Variants in BTN3A3 observed in about 807,000 individuals in gnomAD.
BTN3A3 encodes the protein butyrophilin 3.
BTN3A3 carries 39 observed loss-of-function variants against 43.2 expected under a neutral mutation model. That is an observed-to-expected ratio of 0.90 (90% CI 0.70 to 1.18). The LOEUF is 1.18. Ranked by LOEUF, BTN3A3 falls within the 50% of genes most tolerant of loss-of-function variation. The probability of loss-of-function intolerance (pLI) is 0.00; values close to 1 mark genes in which losing one functional copy is unlikely to be tolerated. For synonymous variants in BTN3A3, 255 were observed against 272.7 expected (o/e 0.93, Z 0.64); for missense variants, 631 against 722.8 (o/e 0.87, Z 1.46).
At chr6:26,446,523 C>T (rs1231928894) in intron 5 of BTN3A3, among the ~76,000 whole-genome samples, 1 of 152,204 alleles carries the variant, frequency 6.6e-6, no homozygotes, top group African/African-American at 2.4e-5. Context: ...TTGCTTGATA[C>T]CACATGGCTA....
At chr6:26,447,368 A>G (rs1762807011) in intron 5 of BTN3A3, among the ~76,000 whole-genome samples, 1 of 152,098 alleles carries the variant, frequency 6.6e-6, no homozygotes, top group Non-Finnish European at 1.5e-5. Context: ...CAAGTACTTT[A>G]TTTACTTATT....
rs1188831221 is a variant in BTN3A3 at position 26,440,524 on chromosome 6, C to T, written c.-191C>T. On this transcript the variant is annotated 5_prime_UTR_variant, in exon 1 of 11. Coordinates refer to ENST00000244519, the MANE Select transcript of BTN3A3 (RefSeq NM_006994.5). Reference sequence around the variant, plus strand: ...AGATTGTTATTATTCCTCACAATAACCAGATAGCCTCTGCTTTCTTTTTCC... The same window carrying T: ...AGATTGTTATTATTCCTCACAATAATCAGATAGCCTCTGCTTTCTTTTTCC... 1.3e-5 allele frequency: 2 copies of T among 152,218 alleles called. No homozygotes were observed. Among genetic ancestry groups the T allele is most frequent in the African/African-American group, 4.8e-5 (2 of 41,452 alleles). 9.4% of individuals were successfully genotyped at this position (152,218 alleles called of 1,614,324 possible).
At position 26,452,438 on chromosome 6, in the gene BTN3A3, G is replaced by A; in HGVS notation, c.*27G>A. 6.5e-7 allele frequency: 1 copy of A among 1,548,624 alleles called. No individual in the cohort carries two copies. The highest frequency in any genetic ancestry group is 8.7e-7 in the Non-Finnish European group (1 of 1,151,424). On this transcript the variant is annotated 3_prime_UTR_variant, in exon 11 of 11. Coordinates refer to ENST00000244519, the MANE Select transcript of BTN3A3 (RefSeq NM_006994.5). The stretch of plus-strand genomic sequence containing the variant: ...ATTCATTCCATTATTCCATATGACA[G>A]TTGTTTTGAGTTTCGTACCACCTTA...
rs144594694 is a variant in BTN3A3 at position 26,441,976 on chromosome 6, C to A, written c.-67+1328C>A. ...GAAACCAGTGATAATAAAAATGATACCCCTTCTATAGCAACATAAAGAGAA... is the reference window on the plus strand; with the variant it reads ...GAAACCAGTGATAATAAAAATGATAACCCTTCTATAGCAACATAAAGAGAA... On this transcript the variant is annotated intron_variant, in intron 1 of 10. Transcript: ENST00000244519. Among the ~76,000 whole-genome samples, 762 of 152,260 alleles carry A rather than the reference C, an allele frequency of 5.0e-3. 3 individuals are homozygous for A. Among genetic ancestry groups the A allele is most frequent in the African/African-American group, 0.014 (578 of 41,538 alleles).
chr6:26,447,456 G>C (rs1762809096), intron 5 of BTN3A3, among the ~76,000 whole-genome samples: 2 of 141,788 alleles, frequency 1.4e-5, no homozygotes, highest in African/African-American at 6.2e-5. Context: ...CCCGCTTCCT[G>C]GGTTGAAGCA....
At position 26,443,507 on chromosome 6, in the gene BTN3A3, G is replaced by T. The variant is rs1741744; in HGVS notation, c.-5-63G>T. 3.2e-4 allele frequency: 508 copies of T among 1,609,288 alleles called. 1 individual carries two copies. Among genetic ancestry groups the T allele is most frequent in the Middle Eastern group, 1.8e-3 (11 of 6,042 alleles). On this transcript the variant is annotated intron_variant, in intron 2 of 10. Coordinates refer to ENST00000244519, the MANE Select transcript of BTN3A3 (RefSeq NM_006994.5). The stretch of plus-strand genomic sequence containing the variant: ...GGGAAGTGGACATTTCCATGCAGAA[G>T]CCTAAAGCTTCTTCCAGGCCATAGT...
At chr6:26,451,580 G>A in intron 10 of BTN3A3, 95 bp from the exon 11 acceptor site, 3 of 1,512,616 alleles carry the variant, frequency 2.0e-6, no homozygotes, top group Non-Finnish European at 2.6e-6. Flanking sequence ...GGTTCTGGAA[G>A]GACCTCCTTA....
chr6:26,442,108 T>C (rs7745767), intron 1 of BTN3A3, among the ~76,000 whole-genome samples: 25,737 of 152,106 alleles, frequency 0.17, 2,269 homozygotes, highest in South Asian at 0.22. Flanking sequence ...TCCGGTGCTT[T>C]CTCTTCATCC....
Position 26,445,869 on chromosome 6 carries a change from G to T in BTN3A3, c.599G>T (p.Gly200Val), listed in dbSNP as rs778010971. Reference sequence around the variant, plus strand: ...GCACCTGTGGTTGCAGATGGAGTGGGCCTGTATGCAGTAGCAGCATCTGTG... The same window carrying T: ...GCACCTGTGGTTGCAGATGGAGTGGTCCTGTATGCAGTAGCAGCATCTGTG... ...VEAPVVADGV[G>V]LYAVAASVIM... The change falls in exon 5 of 11, where the codon GGC (glycine) becomes GTC (valine). Residue 200 changes from glycine (G) to valine (V), a missense_variant. By Grantham distance (109) the Gly-to-Val change is moderately radical. Transcript: ENST00000244519. The T allele has an allele frequency of 6.2e-7, 1 of 1,614,204 alleles. No homozygotes were observed. Among genetic ancestry groups the T allele is most frequent in the South Asian group, 1.1e-5 (1 of 91,088 alleles).
intron 5 of BTN3A3, 38 bp from the exon 6 acceptor site, chr6:26,448,210 G>A (rs946886199): frequency 1.2e-6 from 2 of 1,605,780 alleles, no homozygotes; most frequent in African/African-American, 1.3e-5. Flanking sequence ...GAGGCTGAGT[G>A]CACTAGCTCC....
chr6:26,448,623 T>C lies in BTN3A3; in HGVS notation c.923T>C (p.Leu308Pro). The C allele has an allele frequency of 6.2e-7, 1 of 1,613,906 alleles. No individual in the cohort carries two copies. The highest frequency in any genetic ancestry group is 8.5e-7 in the Non-Finnish European group (1 of 1,179,994). Residue 308 changes from leucine (L) to proline (P), a missense_variant, in exon 7 of 11, where the codon CTC (leucine) becomes CCC (proline). Leu to Pro is a moderately conservative substitution (Grantham distance 98). This residue lies in a region of BTN3A3 where 551 missense variants were observed against 584.0 expected (regional missense o/e 0.94). Transcript: ENST00000244519. ...TTTTTTGCTTATTTTCCAGAGAAGC[T>C]CCAGGAGGAACTCAGTAAGTTCCCA... ...TEQEISLREK[L>P]QEELKWRKIQ...
chr6:26,445,981 C>T lies in BTN3A3; in HGVS notation c.711C>T (p.Ile237=), dbSNP rs3846848. 0.16 allele frequency: 256,705 copies of T among 1,613,976 alleles called. 21,808 individuals are homozygous for T. The highest frequency in any genetic ancestry group is 0.22 in the South Asian group (20,269 of 91,074). ...TGGAAAAGACAGCCAGCATATCCAT[C>T]GCAGGTCAGTACCCTGCTTGGCCTC... ...LGLEKTASIS[I]ADPFFRSAQP... The change falls in exon 5 of 11, where the codon ATC becomes ATT. Residue 237 remains isoleucine, a synonymous_variant. Transcript: ENST00000244519.
rs370878725 is a variant in BTN3A3, at chr6:26,446,405, C to T, written c.715+420C>T. Among the ~76,000 whole-genome samples the T allele has an allele frequency of 2.0e-5, 3 of 152,246 alleles. No individual in the cohort carries two copies. In the South Asian group the frequency reaches 6.2e-4, roughly 32 times the overall value. ...ACAAAGGTCATGAATTGTTAATTCA[C>T]AGGAAAAGAAATAACCCACAAAAGA... On this transcript the variant is annotated intron_variant, in intron 5 of 10. Coordinates refer to ENST00000244519, the MANE Select transcript of BTN3A3 (RefSeq NM_006994.5).
Position 26,445,692 on chromosome 6 carries a change from A to T in BTN3A3, c.434-12A>T, listed in dbSNP as rs1161916862. 6.2e-7 allele frequency: 1 copy of T among 1,608,840 alleles called. No homozygotes were observed. The highest frequency in any genetic ancestry group is 8.5e-7 in the Non-Finnish European group (1 of 1,175,830). On this transcript the variant is annotated splice_polypyrimidine_tract_variant and intron_variant, in intron 4 of 10. Coordinates refer to ENST00000244519, the MANE Select transcript of BTN3A3 (RefSeq NM_006994.5). ...AGCTCTCAAGAATTTAGGGCAATTTATCCTTCTACAGCATTGGGTTCTGAT... is the reference window on the plus strand; with the variant it reads ...AGCTCTCAAGAATTTAGGGCAATTTTTCCTTCTACAGCATTGGGTTCTGAT...
intron 1 of BTN3A3, 169 bp downstream of exon 1, chr6:26,440,817 CGTGTGT>C (rs1477568883): frequency 7.6e-6 from 1 of 132,304 alleles, no homozygotes; most frequent in Non-Finnish European, 1.7e-5. Context: ...TGTGTGTGTG[CGTGTGT>C]GCGCATGGGC....
At chr6:26,450,552 G>A (rs1006008454) in intron 10 of BTN3A3, among the ~76,000 whole-genome samples, 3 of 152,268 alleles carry the variant, frequency 2.0e-5, no homozygotes, top group Admixed American at 6.5e-5. Context: ...CCGAGCTTTC[G>A]CCTCCACATT....
At position 26,448,652 on chromosome 6, in the gene BTN3A3, C is replaced by T. The variant is rs1167595203; in HGVS notation, c.937+15C>T. The T allele has an allele frequency of 1.9e-6, 3 of 1,613,862 alleles. No homozygotes were observed. Among genetic ancestry groups the T allele is most frequent in the Non-Finnish European group, 2.5e-6 (3 of 1,179,968 alleles). On this transcript the variant is annotated intron_variant, in intron 7 of 10. Coordinates refer to ENST00000244519, the MANE Select transcript of BTN3A3 (RefSeq NM_006994.5). ...GGAGGAACTCAGTAAGTTCCCATTC[C>T]CCAGGAGACCCAGGCATGTCTTCTT... is the stretch of plus-strand genomic sequence containing the variant.
intron 1 of BTN3A3, 33 bp downstream of exon 1, chr6:26,440,681 A>G (rs1429807029): frequency 6.6e-6 from 1 of 152,464 alleles, no homozygotes; most frequent in Non-Finnish European, 1.5e-5. Context: ...AGCCTGGGCT[A>G]CAATGCCTGG....
Position 26,448,950 on chromosome 6 carries a change from C to T in BTN3A3, c.964+196C>T, listed in dbSNP as rs147711161. On this transcript the variant is annotated intron_variant, in intron 8 of 10. Coordinates refer to ENST00000244519, the MANE Select transcript of BTN3A3 (RefSeq NM_006994.5). Reference sequence around the variant, plus strand: ...GTCTCTCTCTCTCGTCTATCTCTCTCTCTAAGAAAAGAAAAAGAGGTCTTC... The same window carrying T: ...GTCTCTCTCTCTCGTCTATCTCTCTTTCTAAGAAAAGAAAAAGAGGTCTTC... Among the ~76,000 whole-genome samples the T allele has an allele frequency of 3.1e-3, 466 of 152,146 alleles. 2 individuals are homozygous for T. Among genetic ancestry groups the T allele is most frequent in the African/African-American group, 0.011 (449 of 41,506 alleles).
Sources: gnomAD v4.1 joint callset for allele counts (sites outside exome capture counted in the v4.1 genomes callset) on GRCh38, gnomAD v4.1.1 for gene constraint, gnomAD v4.1.1 regional missense constraint, MANE v1.5 for transcripts, NCBI Gene and HGNC (gene_info 2026-07-23, HGNC 2026-07-21) for gene names.